DPYSL2: variants seen among roughly 807,000 people sequenced by gnomAD.
DPYSL2 encodes the protein dihydropyrimidinase-related protein 2.
Under a neutral mutation model 69.9 loss-of-function variants are expected in DPYSL2, and 13 were observed. That is an observed-to-expected ratio of 0.19 (90% CI 0.12 to 0.30). The LOEUF is 0.30. DPYSL2 is among the 10% of genes least tolerant of loss of function. DPYSL2 has a pLI of 1.00. For synonymous variants in DPYSL2, 326 were observed against 359.1 expected (o/e 0.91, Z 1.04); for missense variants, 587 against 918.9 (o/e 0.64, Z 4.67).
In DPYSL2 at chr8:26,644,837, A is replaced by T. The variant is rs549886248; in HGVS notation, c.1425+746A>T. 2.2e-4 allele frequency among the ~76,000 whole-genome samples: 34 copies of T among 152,254 alleles called. No homozygotes were observed. The highest frequency in any genetic ancestry group is 4.7e-4 in the Non-Finnish European group (32 of 68,028). On this transcript the variant is annotated intron_variant, in intron 10 of 13. Coordinates refer to ENST00000521913, the MANE Select transcript of DPYSL2 (RefSeq NM_001197293.3). This position sits in a 1 kb window ranked among gnomAD's most constrained non-coding sequence, Gnocchi z 4.5. ...GCCAGCTTCCAGTAGGCCTGCTATG[A>T]ACATACACTGACCTTTAGAGGATCT... is the stretch of plus-strand genomic sequence containing the variant.
intron 7 of DPYSL2, among the ~76,000 whole-genome samples, chr8:26,628,993 C>T (rs1802677829): frequency 6.6e-6 from 1 of 152,088 alleles, no homozygotes; most frequent in South Asian, 2.1e-4. Context: ...CTGTGTACTG[C>T]CTCGGGTGCA....
chr8:26,559,130 T>A (rs951877284), intron 1 of DPYSL2, among the ~76,000 whole-genome samples: 3 of 151,938 alleles, frequency 2.0e-5, no homozygotes, highest in African/African-American at 7.3e-5. Flanking sequence ...TTTAGTAGAG[T>A]TGGGGTTTCA....
intron 1 of DPYSL2, among the ~76,000 whole-genome samples, chr8:26,570,247 A>G (rs1157283858): frequency 1.3e-5 from 2 of 152,096 alleles, no homozygotes; most frequent in African/African-American, 4.8e-5. Context: ...GGGGAGGGCC[A>G]GAGCCACTGA....
At position 26,529,284 on chromosome 8, in the gene DPYSL2, T is replaced by TATC. The variant is rs1554531980; in HGVS notation, c.354+14606_354+14608dup. ...TCTATCTATCTATCTATCATCTATC[T>TATC]ATCTATCTATCTATCTATCATCTAT... is the stretch of plus-strand genomic sequence containing the variant. On this transcript the variant is annotated intron_variant, in intron 1 of 13. Coordinates refer to ENST00000521913, the MANE Select transcript of DPYSL2 (RefSeq NM_001197293.3). 8.8e-3 allele frequency among the ~76,000 whole-genome samples: 678 copies of TATC among 77,344 alleles called. 3 individuals are homozygous for TATC. The highest frequency in any genetic ancestry group is 0.015 in the East Asian group (30 of 1,986). The allele number at this position is 77,344 out of a possible 152,430, so 50.7% of individuals were successfully genotyped here. A position where few individuals can be genotyped will look rare whatever the true frequency, so the allele number is the denominator to read the frequency against.
intron 1 of DPYSL2, among the ~76,000 whole-genome samples, chr8:26,526,901 G>T (rs1215858792): frequency 6.6e-6 from 1 of 152,198 alleles, no homozygotes; most frequent in East Asian, 1.9e-4. Context: ...GTGTCCTCTG[G>T]GTTGGGTGAT....
chr8:26,651,115 C>G (rs1165461837), intron 11 of DPYSL2, among the ~76,000 whole-genome samples: 1 of 152,192 alleles, frequency 6.6e-6, no homozygotes, highest in Admixed American at 6.5e-5. Context: ...CCTCTTCCCT[C>G]CCTGCTGGCG....
At chr8:26,590,048 C>T (rs898692228) in intron 3 of DPYSL2, among the ~76,000 whole-genome samples, 1 of 152,170 alleles carries the variant, frequency 6.6e-6, no homozygotes, top group Non-Finnish European at 1.5e-5. Context: ...GTGGGTTGCT[C>T]CCTCCTTATG....
At chr8:26,558,054 AT>A (rs1801017462) in intron 1 of DPYSL2, among the ~76,000 whole-genome samples, 1 of 152,154 alleles carries the variant, frequency 6.6e-6, no homozygotes. Context: ...AAAACTAAAT[AT>A]TATCTTACCA....
chr8:26,627,093 A>G lies in DPYSL2; in HGVS notation c.856-122A>G. On this transcript the variant is annotated intron_variant, in intron 5 of 13. Coordinates refer to ENST00000521913, the MANE Select transcript of DPYSL2 (RefSeq NM_001197293.3). This position sits in a 1 kb window ranked among gnomAD's most constrained non-coding sequence, Gnocchi z 6.9. ...TCATCATATCAAAAAAAGTCAGGCT[A>G]ATAGAATCGCCTAGGTGTCCTGTTT... 4 of 866,816 alleles carry G rather than the reference A, an allele frequency of 4.6e-6. No homozygotes were observed. Among genetic ancestry groups the G allele is most frequent in the South Asian group, 4.6e-5 (3 of 65,054 alleles). The allele number at this position is 866,816 out of a possible 1,614,324, so 53.7% of individuals were successfully genotyped here.
chr8:26,612,792 A>G (rs1802261795), intron 3 of DPYSL2, among the ~76,000 whole-genome samples: 2 of 152,224 alleles, frequency 1.3e-5, no homozygotes. Flanking sequence ...AGAAATGCCT[A>G]GAAGGAGGCG....
At chr8:26,606,627 T>C (rs2129835338) in intron 3 of DPYSL2, among the ~76,000 whole-genome samples, 1 of 152,264 alleles carries the variant, frequency 6.6e-6, no homozygotes, top group Non-Finnish European at 1.5e-5. Flanking sequence ...CATTGAACTA[T>C]AAAAAATATT....
intron 1 of DPYSL2, among the ~76,000 whole-genome samples, chr8:26,545,363 A>G (rs7817506): frequency 0.87 from 133,161 of 152,234 alleles, 58,643 homozygotes; most frequent in East Asian, 0.99. Flanking sequence ...GCAAGAAAAC[A>G]GGAAAATTCA....
At position 26,627,397 on chromosome 8, in the gene DPYSL2, G is replaced by C. The variant is rs897079922; in HGVS notation, c.936+102G>C. The C allele has an allele frequency of 4.8e-6, 6 of 1,248,384 alleles. No homozygotes were observed. The highest frequency in any genetic ancestry group is 1.9e-5 in the Admixed American group (1 of 53,720). The allele number at this position is 1,248,384 out of a possible 1,614,324, so 77.3% of individuals were successfully genotyped here. A position where few individuals can be genotyped will look rare whatever the true frequency, so the allele number is the denominator to read the frequency against. ...TGTAGCTTAACACCAAGGTGGAAAA[G>C]CAGAGGGACCTGGTGTTCCCTTGCT... On this transcript the variant is annotated intron_variant, in intron 6 of 13. Coordinates refer to ENST00000521913, the MANE Select transcript of DPYSL2 (RefSeq NM_001197293.3). The surrounding 1 kb of genome is among the most constrained non-coding windows in gnomAD (Gnocchi z 6.9).
chr8:26,518,086 C>T (rs1247853087), intron 1 of DPYSL2, among the ~76,000 whole-genome samples: 1 of 152,172 alleles, frequency 6.6e-6, no homozygotes, highest in Non-Finnish European at 1.5e-5. Flanking sequence ...AGAGAAATTC[C>T]AATGATTAAA....
At chr8:26,590,480 G>C (rs1280131493) in intron 3 of DPYSL2, among the ~76,000 whole-genome samples, 1 of 133,668 alleles carries the variant, frequency 7.5e-6, no homozygotes, top group Non-Finnish European at 1.6e-5. Flanking sequence ...GTGTCACTGC[G>C]TGAATCTCGG....
chr8:26,575,219 G>A (rs778002777), intron 1 of DPYSL2, among the ~76,000 whole-genome samples: 1 of 152,086 alleles, frequency 6.6e-6, no homozygotes, highest in South Asian at 2.1e-4. Context: ...CCAACTCTTG[G>A]GCTCAACTGA....
Position 26,514,667 on chromosome 8 carries a change from C to A in DPYSL2, c.342C>A (p.Asn114Lys). The A allele has an allele frequency of 1.4e-6, 2 of 1,390,590 alleles. No individual in the cohort carries two copies. Among genetic ancestry groups the A allele is most frequent in the Non-Finnish European group, 1.9e-6 (2 of 1,070,938 alleles). 86.1% of individuals were successfully genotyped at this position (1,390,590 alleles called of 1,614,324 possible). ...RRASGKEALQ[N>K]INDQSDRLLI... ...CCTCGGGCAAAGAAGCCCTGCAGAACATCAACGACCAGGTCGGTGTGGGGG... is the reference window on the plus strand; with the variant it reads ...CCTCGGGCAAAGAAGCCCTGCAGAAAATCAACGACCAGGTCGGTGTGGGGG... The change falls in exon 1 of 14, where the codon AAC becomes AAA. Residue 114 changes from asparagine (N) to lysine (K), a missense_variant. By Grantham distance (94) the Asn-to-Lys change is moderately conservative. Coordinates refer to ENST00000521913, the MANE Select transcript of DPYSL2 (RefSeq NM_001197293.3). This position sits in a 1 kb window ranked among gnomAD's most constrained non-coding sequence, Gnocchi z 8.4.
In DPYSL2 at chr8:26,619,998, C is replaced by T. The variant is rs1277859137; in HGVS notation, c.629-4145C>T. 6.6e-6 allele frequency: 1 copy of T among 152,174 alleles called. No individual in the cohort carries two copies. Among genetic ancestry groups the T allele is most frequent in the African/African-American group, 2.4e-5 (1 of 41,354 alleles). The allele number at this position is 152,174 out of a possible 1,614,324, so 9.4% of individuals were successfully genotyped here. Reference sequence around the variant, plus strand: ...CCAGCCTGAAGTTGTCCTTGTCTGTCACCCTCCCCACTTTGTCTAAGGGTG... The same window carrying T: ...CCAGCCTGAAGTTGTCCTTGTCTGTTACCCTCCCCACTTTGTCTAAGGGTG... On this transcript the variant is annotated intron_variant, in intron 3 of 13. Coordinates refer to ENST00000521913, the MANE Select transcript of DPYSL2 (RefSeq NM_001197293.3). The surrounding 1 kb of genome is among the most constrained non-coding windows in gnomAD (Gnocchi z 4.8).
chr8:26,634,010 G>A (rs1438950359), intron 7 of DPYSL2, among the ~76,000 whole-genome samples: 2 of 152,206 alleles, frequency 1.3e-5, no homozygotes, highest in Non-Finnish European at 2.9e-5. Flanking sequence ...CCACATCACT[G>A]AATATCTTGA....
Sources: allele counts gnomAD v4.1 joint callset (sites outside exome capture counted in the v4.1 genomes callset), GRCh38; gene constraint gnomAD v4.1.1; non-coding constraint Gnocchi (gnomAD v3.1); transcripts MANE v1.5; gene names NCBI Gene and HGNC (gene_info 2026-07-23, HGNC 2026-07-21).